CADM1: variants seen among roughly 807,000 people sequenced by gnomAD.
The protein encoded by CADM1 is TSLC-1.
A neutral mutation model predicts 53.1 loss-of-function variants in CADM1; 15 were observed. The observed-to-expected ratio is 0.28, with a 90% CI of 0.19 to 0.44. The LOEUF (loss-of-function observed/expected upper bound fraction) is 0.44, where lower values mean the gene tolerates loss of function less well. Ranked by LOEUF, CADM1 falls within the 20% of genes least tolerant of loss-of-function variation. The pLI is 1.00. For missense variants in CADM1, 434 were observed against 611.3 expected (o/e 0.71, Z 3.06); for synonymous variants, 281 against 243.0 (o/e 1.16, Z -1.45).
intron 1 of CADM1, among the ~76,000 whole-genome samples, chr11:115,489,876 A>C (rs771801846): frequency 4.6e-5 from 7 of 152,218 alleles, no homozygotes; most frequent in Admixed American, 1.3e-4. Flanking sequence ...AGCCATATAC[A>C]TTAAGGTGCT....
intron 1 of CADM1, among the ~76,000 whole-genome samples, chr11:115,284,841 C>T (rs1048042175): frequency 2.0e-5 from 3 of 152,104 alleles, no homozygotes; most frequent in East Asian, 1.9e-4. Context: ...ATTTTCAATA[C>T]GTCTAAGTGG....
chr11:115,453,543 G>A (rs540059633), intron 1 of CADM1, among the ~76,000 whole-genome samples: 18 of 152,244 alleles, frequency 1.2e-4, no homozygotes, highest in Non-Finnish European at 1.6e-4. Context: ...CTGTCACCCA[G>A]GCTGGAGTGC....
At chr11:115,235,362 A>T (rs929465545) in intron 3 of CADM1, among the ~76,000 whole-genome samples, 2 of 152,210 alleles carry the variant, frequency 1.3e-5, no homozygotes, top group African/African-American at 2.4e-5. Context: ...AAATCCATTT[A>T]TAAGAAAAAT....
intron 1 of CADM1, among the ~76,000 whole-genome samples, chr11:115,371,388 A>C (rs1171543326): frequency 6.6e-6 from 1 of 152,126 alleles, no homozygotes; most frequent in Non-Finnish European, 1.5e-5. Flanking sequence ...AGTTACAGAT[A>C]TATACAATAA....
intron 5 of CADM1, among the ~76,000 whole-genome samples, chr11:115,219,237 G>A (rs544297007): frequency 1.1e-4 from 16 of 152,168 alleles, no homozygotes; most frequent in Non-Finnish European, 2.2e-4. Flanking sequence ...TAAGGGAGAA[G>A]ATAGAAATAT....
At chr11:115,198,639 C>A (rs527406254) in intron 8 of CADM1, among the ~76,000 whole-genome samples, 1 of 152,332 alleles carries the variant, frequency 6.6e-6, no homozygotes, top group Admixed American at 6.5e-5. Context: ...GAGCTCAAAG[C>A]TGCGAGCCAG....
At chr11:115,366,242 A>G (rs573908839) in intron 1 of CADM1, among the ~76,000 whole-genome samples, 1 of 152,350 alleles carries the variant, frequency 6.6e-6, no homozygotes, top group East Asian at 1.9e-4. Context: ...GTGAACAAAA[A>G]GACTTGCTAA....
chr11:115,399,873 G>A (rs1947094103), intron 1 of CADM1, among the ~76,000 whole-genome samples: 1 of 152,050 alleles, frequency 6.6e-6, no homozygotes, highest in African/African-American at 2.4e-5. Flanking sequence ...TCTACCCACT[G>A]ACCTATATGA....
chr11:115,484,897 A>G (rs1021769114), intron 1 of CADM1, among the ~76,000 whole-genome samples: 3 of 151,278 alleles, frequency 2.0e-5, no homozygotes, highest in African/African-American at 7.3e-5. Flanking sequence ...CAGTAAGCCG[A>G]GATTATGCCA....
At position 115,175,812 on chromosome 11, in the gene CADM1, A is replaced by G; in HGVS notation, c.*662T>C. On this transcript the variant is annotated 3_prime_UTR_variant, in exon 12 of 12. Coordinates refer to ENST00000331581, the MANE Select transcript of CADM1 (RefSeq NM_001301043.2). ...TTTCTGAATCACAGTCTAATTTTCT[A>G]GTCTTCACTGCTCTAAGTATTTGAA... is the stretch of plus-strand genomic sequence containing the variant. 1 of 992,540 alleles carries G rather than the reference A, an allele frequency of 1.0e-6. No homozygotes were observed. Among genetic ancestry groups the G allele is most frequent in the Non-Finnish European group, 1.2e-6 (1 of 834,066 alleles). 61.5% of individuals were successfully genotyped at this position (992,540 alleles called of 1,614,324 possible). A position where few individuals can be genotyped will look rare whatever the true frequency, so the allele number is the denominator to read the frequency against.
intron 1 of CADM1, among the ~76,000 whole-genome samples, chr11:115,448,662 A>AGGGGGGGGGGGGGGGGGGGG (rs1948505278): frequency 1.2e-5 from 1 of 85,354 alleles, no homozygotes; most frequent in Admixed American, 1.5e-4. Flanking sequence ...GTTGGGGGGT[A>AGGGGGGGGGGGGGGGGGGGG]GGAGGGGGTG....
chr11:115,461,341 G>C (rs1948791403), intron 1 of CADM1, among the ~76,000 whole-genome samples: 1 of 152,070 alleles, frequency 6.6e-6, no homozygotes, highest in Non-Finnish European at 1.5e-5. Flanking sequence ...CTCAAAGAAT[G>C]GATATGGGAG....
chr11:115,372,064 A>G (rs1002269152), intron 1 of CADM1, among the ~76,000 whole-genome samples: 2 of 152,212 alleles, frequency 1.3e-5, no homozygotes, highest in South Asian at 4.1e-4. Flanking sequence ...TTACTTTTAT[A>G]TCTTTTACAA....
At chr11:115,463,027 G>A (rs1319027344) in intron 1 of CADM1, among the ~76,000 whole-genome samples, 2 of 152,182 alleles carry the variant, frequency 1.3e-5, no homozygotes, top group Non-Finnish European at 2.9e-5. Context: ...CTGTAAAATA[G>A]GCACTTGGAG....
chr11:115,466,577 C>T (rs1336955451), intron 1 of CADM1, among the ~76,000 whole-genome samples: 3 of 152,154 alleles, frequency 2.0e-5, no homozygotes, highest in Non-Finnish European at 4.4e-5. Flanking sequence ...ATGTTTAGCA[C>T]GTGTCTTCAG....
chr11:115,441,993 CG>C (rs1429745432), intron 1 of CADM1, among the ~76,000 whole-genome samples: 2 of 151,970 alleles, frequency 1.3e-5, no homozygotes, highest in Non-Finnish European at 2.9e-5. Context: ...TGATGCATTA[CG>C]ATCTGATCCC....
rs549006369 is a variant in CADM1 at position 115,291,215 on chromosome 11, G to T, written c.125-50795C>A. Among the ~76,000 whole-genome samples, 5 of 152,052 alleles carry T rather than the reference G, an allele frequency of 3.3e-5. No individual in the cohort carries two copies. In the East Asian group the frequency reaches 5.8e-4, roughly 18 times the overall value. On this transcript the variant is annotated intron_variant, in intron 1 of 11. Coordinates refer to ENST00000331581, the MANE Select transcript of CADM1 (RefSeq NM_001301043.2). ...ATGTGTGTTCCAGGAAATGATTAAT[G>T]CTTTGAGGGAAAAAAAAATGTTCTA...
chr11:115,477,385 G>C (rs918353155), intron 1 of CADM1, among the ~76,000 whole-genome samples: 2 of 152,160 alleles, frequency 1.3e-5, no homozygotes, highest in Non-Finnish European at 2.9e-5. Flanking sequence ...GAATCCAATG[G>C]TTATTTCTAA....
chr11:115,296,529 G>T (rs1055291240), intron 1 of CADM1, among the ~76,000 whole-genome samples: 1 of 152,150 alleles, frequency 6.6e-6, no homozygotes, highest in African/African-American at 2.4e-5. Flanking sequence ...TAGAGAGTGG[G>T]TTGTTATAAA....
Sources: gnomAD v4.1 joint callset for allele counts (sites outside exome capture counted in the v4.1 genomes callset) on GRCh38, gnomAD v4.1.1 for gene constraint, MANE v1.5 for transcripts, NCBI Gene and HGNC (gene_info 2026-07-23, HGNC 2026-07-21) for gene names.